Variants in SLC5A10 observed in about 807,000 individuals in gnomAD.
SLC5A10 encodes sodium/mannose cotransporter SLC5A10.
A neutral mutation model predicts 68.9 loss-of-function variants in SLC5A10; 55 were observed. The ratio of observed to expected loss-of-function variants is 0.80; its 90% CI spans 0.64 to 1.00. The LOEUF is 1.00. Among genes scored for constraint, SLC5A10 ranks in the 50% least tolerant of loss-of-function variants. The probability of loss-of-function intolerance (pLI) is 0.00; values close to 1 mark genes in which losing one functional copy is unlikely to be tolerated. For missense variants in SLC5A10, 732 were observed against 819.3 expected (o/e 0.89, Z 1.30); for synonymous variants, 344 against 344.8 (o/e 1.00, Z 0.02).
chr17:18,959,099 G>T, intron 2 of SLC5A10, 36 bp from the exon 3 acceptor site: 1 of 1,588,516 alleles, frequency 6.3e-7, no homozygotes, highest in Non-Finnish European at 8.6e-7. Flanking sequence ...GGCGCAGGGA[G>T]CCTGCTGCTG....
intron 10 of SLC5A10, among the ~76,000 whole-genome samples, chr17:19,013,887 C>T (rs956631422): frequency 1.1e-4 from 16 of 152,088 alleles, no homozygotes; most frequent in Non-Finnish European, 1.8e-4. Flanking sequence ...TGAGTTCCCT[C>T]TCTAAGAAAT....
chr17:18,996,051 A>C lies in SLC5A10; in HGVS notation c.983-17359A>C, dbSNP rs982323713. 1.3e-5 allele frequency among the ~76,000 whole-genome samples: 2 copies of C among 152,072 alleles called. No homozygotes were observed. Among genetic ancestry groups the C allele is most frequent in the African/African-American group, 4.8e-5 (2 of 41,408 alleles). The stretch of plus-strand genomic sequence containing the variant: ...CAACCAGAAGAGAAAAGACAACTGC[A>C]TGTCAAGGAACAAAGTAAGTGGACT... On this transcript the variant is annotated intron_variant, in intron 9 of 14. Coordinates refer to ENST00000395645, the MANE Select transcript of SLC5A10 (RefSeq NM_001042450.4). The surrounding 1 kb of genome is among the most constrained non-coding windows in gnomAD (Gnocchi z 4.4).
At chr17:19,011,300 G>T (rs1201705210) in intron 9 of SLC5A10, among the ~76,000 whole-genome samples, 1 of 152,208 alleles carries the variant, frequency 6.6e-6, no homozygotes, top group Non-Finnish European at 1.5e-5. Context: ...AAACAAGGGT[G>T]TGGGTGGGTG....
intron 3 of SLC5A10, 113 bp downstream of exon 3, chr17:18,959,352 C>A (rs151061894): frequency 1.8e-6 from 2 of 1,098,492 alleles, no homozygotes; most frequent in African/African-American, 3.1e-5. Context: ...CAGGTGGGCT[C>A]TGTGCAGTGC....
At chr17:18,955,542 C>A (rs903016672) in intron 1 of SLC5A10, among the ~76,000 whole-genome samples, 2 of 152,222 alleles carry the variant, frequency 1.3e-5, no homozygotes, top group Admixed American at 1.3e-4. Flanking sequence ...TATAAGAAGG[C>A]AACTGGCAAT....
chr17:19,001,350 C>T (rs758043986), intron 9 of SLC5A10, among the ~76,000 whole-genome samples: 3 of 152,190 alleles, frequency 2.0e-5, no homozygotes, highest in Non-Finnish European at 2.9e-5. Flanking sequence ...AGATGAGGAG[C>T]TTAGTCTCTA....
chr17:18,955,214 G>GT (rs2042474293), intron 1 of SLC5A10, among the ~76,000 whole-genome samples: 1 of 152,036 alleles, frequency 6.6e-6, no homozygotes, highest in Non-Finnish European at 1.5e-5. Flanking sequence ...CCTCACTTTG[G>GT]TTCTCTCAGC....
At chr17:19,005,115 G>A (rs991317642) in intron 9 of SLC5A10, among the ~76,000 whole-genome samples, 1 of 152,144 alleles carries the variant, frequency 6.6e-6, no homozygotes, top group Non-Finnish European at 1.5e-5. Flanking sequence ...AAGTCCGTGC[G>A]GCTGTATAGA....
Position 18,968,864 on chromosome 17 carries a change from C to T in SLC5A10, c.454-188C>T, listed in dbSNP as rs1244811370. On this transcript the variant is annotated intron_variant, in intron 5 of 14. Coordinates refer to ENST00000395645, the MANE Select transcript of SLC5A10 (RefSeq NM_001042450.4). This position sits in a 1 kb window ranked among gnomAD's most constrained non-coding sequence, Gnocchi z 4.1. ...CCCTGACATCCGCACAAGCTTGTAG[C>T]TCCACGGCCAGGTCTTCCCCCAACC... 15 of 593,438 alleles carry T rather than the reference C, an allele frequency of 2.5e-5. No homozygotes were observed. The highest frequency in any genetic ancestry group is 3.3e-5 in the Non-Finnish European group (11 of 336,108). The allele number at this position is 593,438 out of a possible 1,614,324, so 36.8% of individuals were successfully genotyped here.
At chr17:18,999,283 G>GA (rs959679416) in intron 9 of SLC5A10, among the ~76,000 whole-genome samples, 124 of 136,100 alleles carry the variant, frequency 9.1e-4, no homozygotes, top group Admixed American at 1.5e-3. Flanking sequence ...GTCTCAAGAA[G>GA]AAAAAAAAAA....
At chr17:18,964,145 C>T (rs897004438) in intron 5 of SLC5A10, among the ~76,000 whole-genome samples, 5 of 152,184 alleles carry the variant, frequency 3.3e-5, no homozygotes, top group Non-Finnish European at 5.9e-5. Context: ...CCTCTCTCTA[C>T]CCCCATGGAC....
intron 7 of SLC5A10, 118 bp downstream of exon 7, chr17:18,969,540 G>C: frequency 1.0e-6 from 1 of 960,034 alleles, no homozygotes; most frequent in African/African-American, 1.6e-5. Flanking sequence ...GCATCGCTGG[G>C]AGTGGGTGGG....
intron 9 of SLC5A10, among the ~76,000 whole-genome samples, chr17:19,012,300 G>A (rs1017033621): frequency 6.6e-6 from 1 of 152,218 alleles, no homozygotes; most frequent in African/African-American, 2.4e-5. Flanking sequence ...GTAGGCCGGG[G>A]TTCTGCCCCC....
At chr17:18,981,801 C>T (rs1381148043) in intron 9 of SLC5A10, among the ~76,000 whole-genome samples, 1 of 152,190 alleles carries the variant, frequency 6.6e-6, no homozygotes, top group Non-Finnish European at 1.5e-5. Flanking sequence ...GGTTTGCACA[C>T]AGCCAGCTCA....
chr17:19,013,309 T>A, intron 9 of SLC5A10, 101 bp from the exon 10 acceptor site: 1 of 1,543,732 alleles, frequency 6.5e-7, no homozygotes, highest in South Asian at 1.2e-5. Context: ...GAGGCATTGA[T>A]GGAGCAGGTC....
At chr17:19,012,200 C>G (rs1464913568) in intron 9 of SLC5A10, among the ~76,000 whole-genome samples, 2 of 152,166 alleles carry the variant, frequency 1.3e-5, no homozygotes, top group Non-Finnish European at 2.9e-5. Flanking sequence ...CTACGTATCA[C>G]TAGGCCAAAG....
chr17:19,006,582 A>G (rs192309321), intron 9 of SLC5A10, among the ~76,000 whole-genome samples: 48 of 151,864 alleles, frequency 3.2e-4, no homozygotes, highest in African/African-American at 1.0e-3. Flanking sequence ...GTGTTATACA[A>G]CCTTATTATG....
Position 19,019,915 on chromosome 17 carries a change from C to G in SLC5A10, c.1613C>G (p.Pro538Arg). Reference sequence around the variant, plus strand: ...GCTGGAAGCCTGCTGACCCCACCCCCACAGAGTGTCCAGGTGAGCCAGCCC... The same window carrying G: ...GCTGGAAGCCTGCTGACCCCACCCCGACAGAGTGTCCAGGTGAGCCAGCCC... Reference protein sequence around the residue: ...VVAGSLLTPPPQSVQIENLTW... With the variant: ...VVAGSLLTPPRQSVQIENLTW... Residue 538 changes from proline to arginine, a missense_variant, in exon 13 of 15, where the codon CCA becomes CGA. Pro to Arg is a moderately radical substitution (Grantham distance 103). Transcript: ENST00000395645. The G allele has an allele frequency of 1.2e-6, 2 of 1,607,122 alleles. No homozygotes were observed. Among genetic ancestry groups the G allele is most frequent in the Non-Finnish European group, 1.7e-6 (2 of 1,177,690 alleles).
intron 9 of SLC5A10, among the ~76,000 whole-genome samples, chr17:18,988,820 C>G (rs2043335464): frequency 6.6e-6 from 1 of 152,244 alleles, no homozygotes; most frequent in African/African-American, 2.4e-5. Flanking sequence ...AAACCCAGAT[C>G]TCTTCCTGTC....
Sources: allele counts gnomAD v4.1 joint callset (sites outside exome capture counted in the v4.1 genomes callset), GRCh38; gene constraint gnomAD v4.1.1; non-coding constraint Gnocchi (gnomAD v3.1); transcripts MANE v1.5; gene names NCBI Gene and HGNC (gene_info 2026-07-23, HGNC 2026-07-21).